Variants in RBM25 observed in about 807,000 individuals in gnomAD.
RBM25 encodes the protein RNA binding motif protein 25, also known as RNA-binding protein 25.
A neutral mutation model predicts 120.7 loss-of-function variants in RBM25; 19 were observed. That is an observed-to-expected ratio of 0.16 (90% confidence interval 0.11 to 0.23). The LOEUF (loss-of-function observed/expected upper bound fraction) is 0.23. RBM25 is among the 10% of genes least tolerant of loss of function. The pLI is 1.00. For missense variants in RBM25, 605 were observed against 1,041.5 expected, an observed-to-expected ratio of 0.58 and a Z score of 5.77; for synonymous variants, 390 against 326.7, an observed-to-expected ratio of 1.19 and a Z score of -2.09.
At chr14:73,079,126 T>G (rs182399810) in intron 4 of RBM25, among the ~76,000 whole-genome samples, 32 of 148,504 alleles carry the variant, frequency 2.2e-4, no homozygotes, top group African/African-American at 7.5e-4. Flanking sequence ...GCTGAATGAT[T>G]GTATAATAAA....
chr14:73,070,305 C>G (rs1273223202), intron 1 of RBM25, among the ~76,000 whole-genome samples: 1 of 152,142 alleles, frequency 6.6e-6, no homozygotes, highest in Non-Finnish European at 1.5e-5. Context: ...TTTCCACCCG[C>G]TTTGACCTCC....
At chr14:73,119,458 G>A (rs1278152160) in intron 18 of RBM25, among the ~76,000 whole-genome samples, 5 of 152,052 alleles carry the variant, frequency 3.3e-5, no homozygotes, top group African/African-American at 4.8e-5. Context: ...GTAGAGATGG[G>A]GTTTCACCAT....
At chr14:73,076,501 A>G (rs1566585267) in intron 3 of RBM25, 133 bp downstream of exon 3, 1 of 754,722 alleles carries the variant, frequency 1.3e-6, no homozygotes, top group Non-Finnish European at 2.1e-6. Context: ...ACCCCTGTAG[A>G]GCATATCATT....
chr14:73,082,424 T>C (rs1594908263), intron 4 of RBM25, among the ~76,000 whole-genome samples: 1 of 152,206 alleles, frequency 6.6e-6, no homozygotes, highest in African/African-American at 2.4e-5. Flanking sequence ...CCTGAGTAGC[T>C]GGGACCACTG....
chr14:73,118,702 T>G (rs952384518), intron 18 of RBM25, among the ~76,000 whole-genome samples: 4 of 152,046 alleles, frequency 2.6e-5, no homozygotes, highest in African/African-American at 4.8e-5. Context: ...ATGGTACTCT[T>G]TGTGTTTAGT....
chr14:73,099,906 A>G (rs1896024630), intron 9 of RBM25, 156 bp downstream of exon 9: 1 of 1,183,358 alleles, frequency 8.5e-7, no homozygotes, highest in African/African-American at 1.6e-5. Context: ...CAGAAGACCA[A>G]TACCATATTA....
At chr14:73,107,050 A>G (rs1297329648) in intron 12 of RBM25, among the ~76,000 whole-genome samples, 1 of 151,898 alleles carries the variant, frequency 6.6e-6, no homozygotes, top group Non-Finnish European at 1.5e-5. Flanking sequence ...CATGTTGGCC[A>G]GGATGGTCTC....
Position 73,064,110 on chromosome 14 carries a change from T to A in RBM25, c.-16+5405T>A, listed in dbSNP as rs998515981. On this transcript the variant is annotated intron_variant, in intron 1 of 18. Coordinates refer to ENST00000261973, the MANE Select transcript of RBM25 (RefSeq NM_021239.3). ...TCTTCACCTTCTTGGTGAGGCCTAA[T>A]CGCTGTATTTAAAATAAACTACTCC... Among the ~76,000 whole-genome samples, 38 of 151,494 alleles carry A rather than the reference T, an allele frequency of 2.5e-4. 1 individual carries two copies. Among genetic ancestry groups the A allele is most frequent in the African/African-American group, 8.9e-4 (37 of 41,376 alleles).
At position 73,103,346 on chromosome 14, in the gene RBM25, G is replaced by A. The variant is rs775348766; in HGVS notation, c.1022G>A (p.Arg341Gln). Residue 341 changes from arginine to glutamine, a missense_variant, in exon 10 of 19, where the codon CGG becomes CAG. By Grantham distance (43) the Arg-to-Gln change is conservative. Coordinates refer to ENST00000261973, the MANE Select transcript of RBM25 (RefSeq NM_021239.3). The part of the protein sequence containing the change: ...REREREKEKE[R>Q]ERERERDRDR... ...CGTGAACGAGAAAAGGAGAAAGAAC[G>A]GGAGCGGGAACGAGAACGGGATAGG... The A allele has an allele frequency of 4.4e-6, 7 of 1,599,168 alleles. No homozygotes were observed. Among genetic ancestry groups the A allele is most frequent in the African/African-American group, 4.0e-5 (3 of 74,672 alleles).
rs186443991 is a variant in RBM25 at position 73,099,357 on chromosome 14, A to T, written c.730-23A>T. ...GCTCTGTTTTTCTTTTTTAAAAAAG[A>T]TTCTTGGTGGATTTTTTCACAGATT... On this transcript the variant is annotated intron_variant, in intron 7 of 18. Transcript: ENST00000261973. The T allele has an allele frequency of 8.7e-4, 1,392 of 1,592,006 alleles. 3 individuals carry two copies. Among genetic ancestry groups the T allele is most frequent in the Non-Finnish European group, 1.1e-3 (1,317 of 1,174,358 alleles).
intron 4 of RBM25, among the ~76,000 whole-genome samples, chr14:73,080,855 C>T (rs1334920762): frequency 1.3e-5 from 2 of 148,522 alleles, no homozygotes; most frequent in Non-Finnish European, 3.0e-5. Context: ...GATGGAGTCT[C>T]ACTCTGTTAT....
In RBM25 at chr14:73,058,762, T is replaced by C. The variant is rs1894922941; in HGVS notation, c.-16+57T>C. On this transcript the variant is annotated intron_variant, in intron 1 of 18. Transcript: ENST00000261973. Reference sequence around the variant, plus strand: ...CCGGGAGACCGGGTGCCTCAGCTGGTGGAGGAGGAAAAGCCGGGGTGGCTG... The same window carrying C: ...CCGGGAGACCGGGTGCCTCAGCTGGCGGAGGAGGAAAAGCCGGGGTGGCTG... The C allele has an allele frequency of 3.2e-5, 4 of 125,448 alleles. No individual in the cohort carries two copies. In the South Asian group the frequency reaches 1.0e-3, roughly 33 times the overall value. 7.8% of individuals were successfully genotyped at this position (125,448 alleles called of 1,614,324 possible).
chr14:73,083,559 A>G lies in RBM25; in HGVS notation c.382+8A>G. The G allele has an allele frequency of 6.4e-7, 1 of 1,564,012 alleles. No individual in the cohort carries two copies. The highest frequency in any genetic ancestry group is 1.4e-5 in the African/African-American group (1 of 71,912). On this transcript the variant is annotated splice_region_variant and intron_variant, in intron 5 of 18. Transcript: ENST00000261973. ...CTTCCGGAAAGCTTCAAGGTATGTC[A>G]TTTTTTTCCTTATTTGCTGAAATCA...
At chr14:73,100,350 C>A in intron 9 of RBM25, 1 of 681,462 alleles carries the variant, frequency 1.5e-6, no homozygotes, top group Admixed American at 2.1e-5. Context: ...TGGAAAGTAA[C>A]AAGGAATAGG....
chr14:73,097,044 C>G lies in RBM25; in HGVS notation c.673C>G (p.Pro225Ala), dbSNP rs1566594412. ...IREYSSELNA[P>A]SQESDSHPRK... ...TGAATACTCCAGTGAGCTAAATGCC[C>G]CCTCACAGGAATCTGATTCTCACCC... The change falls in exon 7 of 19, where the codon CCC becomes GCC. Residue 225 changes from proline (P) to alanine (A), a missense_variant. Pro to Ala is a conservative substitution (Grantham distance 27). Around this residue, in one of 4 missense-constraint regions of RBM25, gnomAD observed 465 missense variants for 741.6 expected, o/e 0.63. Coordinates refer to ENST00000261973, the MANE Select transcript of RBM25 (RefSeq NM_021239.3). 1 of 1,613,276 alleles carries G rather than the reference C, an allele frequency of 6.2e-7. No individual in the cohort carries two copies.
At chr14:73,108,522 A>G (rs1896238136) in intron 13 of RBM25, among the ~76,000 whole-genome samples, 1 of 152,312 alleles carries the variant, frequency 6.6e-6, no homozygotes, top group East Asian at 1.9e-4. Context: ...CTTTGTTCCC[A>G]TGGCATTTTC....
intron 7 of RBM25, 68 bp downstream of exon 7, chr14:73,097,168 A>G (rs1594922557): frequency 1.5e-6 from 1 of 665,718 alleles, no homozygotes; most frequent in Middle Eastern, 3.2e-4. Flanking sequence ...TTATACTTTG[A>G]TTACATGTCA....
chr14:73,084,968 A>T (rs1216779195), intron 5 of RBM25, among the ~76,000 whole-genome samples: 1 of 152,038 alleles, frequency 6.6e-6, no homozygotes, highest in Admixed American at 6.6e-5. Flanking sequence ...TAATAGCATC[A>T]GTGTTGCCAG....
At chr14:73,062,005 T>C (rs1361217637) in intron 1 of RBM25, among the ~76,000 whole-genome samples, 1 of 151,296 alleles carries the variant, frequency 6.6e-6, no homozygotes, top group Non-Finnish European at 1.5e-5. Context: ...TTCTCTCTCA[T>C]CCCAGGAGGT....
Sources: gnomAD v4.1 joint callset for allele counts (sites outside exome capture counted in the v4.1 genomes callset) on GRCh38, gnomAD v4.1.1 for gene constraint, gnomAD v4.1.1 regional missense constraint, MANE v1.5 for transcripts, NCBI Gene and HGNC (gene_info 2026-07-23, HGNC 2026-07-21) for gene names.